The following SHROOM4 variants were observed in gnomAD, a reference collection of about 807,000 sequenced individuals.
SHROOM4 encodes protein Shroom4.
Under a neutral mutation model 80.3 loss-of-function variants are expected in SHROOM4, and 17 were observed. The ratio of observed to expected loss-of-function variants is 0.21; its 90% CI spans 0.14 to 0.32. SHROOM4 has a LOEUF of 0.32. SHROOM4 is among the 10% of genes least tolerant of loss of function. SHROOM4 has a pLI of 1.00. For missense variants in SHROOM4, 993 were observed against 1,140.3 expected (o/e 0.87, Z 1.86); for synonymous variants, 400 against 437.5 (o/e 0.91, Z 1.07).
At chrX:50,645,941 T>G (rs7049283) in intron 2 of SHROOM4, among the ~76,000 whole-genome samples, 2 of 111,226 alleles carry the variant, frequency 1.8e-5, no homozygotes, top group African/African-American at 3.3e-5. Flanking sequence ...GGACCAATTC[T>G]GAAAGGAGTC....
In SHROOM4 at chrX:50,587,874, A is replaced by C. The variant is rs185195422; in HGVS notation, c.*8821T>G. Among the ~76,000 whole-genome samples the C allele has an allele frequency of 5.7e-4, 64 of 112,607 alleles. No individual in the cohort carries two copies. The highest frequency in any genetic ancestry group is 2.1e-3 in the Admixed American group (22 of 10,645). The stretch of plus-strand genomic sequence containing the variant: ...AATCACAGATCTGTTTTAAAGATTA[A>C]ATGAGGATTTCTGCTTTAAAAATGT... On this transcript the variant is annotated 3_prime_UTR_variant, in exon 9 of 9. Coordinates refer to ENST00000376020, the MANE Select transcript of SHROOM4 (RefSeq NM_020717.5).
At chrX:50,748,130 T>C (rs1290526296) in intron 1 of SHROOM4, among the ~76,000 whole-genome samples, 3 of 111,504 alleles carry the variant, frequency 2.7e-5, no homozygotes, top group African/African-American at 9.8e-5. Context: ...TCCTGAAAGA[T>C]CGAGGCTGGC....
intron 2 of SHROOM4, among the ~76,000 whole-genome samples, chrX:50,664,638 A>G (rs1932630165): frequency 8.9e-6 from 1 of 111,948 alleles, no homozygotes; most frequent in South Asian, 3.8e-4. Context: ...GTTAATCAAC[A>G]TATAATCGAC....
chrX:50,723,350 C>T (rs1352032483), intron 1 of SHROOM4, among the ~76,000 whole-genome samples: 1 of 31,733 alleles, frequency 3.2e-5, no homozygotes, highest in East Asian at 1.3e-3. Flanking sequence ...GGGAGAGGGG[C>T]AGGGAGGGAA....
At chrX:50,681,515 C>T (rs1369433506) in intron 2 of SHROOM4, among the ~76,000 whole-genome samples, 1 of 111,717 alleles carries the variant, frequency 9.0e-6, no homozygotes, top group African/African-American at 3.3e-5. Flanking sequence ...CTTTATATGG[C>T]TGCCTCTTTC....
chrX:50,726,525 G>T (rs1206666187), intron 1 of SHROOM4, among the ~76,000 whole-genome samples: 1 of 112,341 alleles, frequency 8.9e-6, no homozygotes, highest in African/African-American at 3.2e-5. Context: ...CGGGCCCAAG[G>T]CCCCACTGCA....
intron 2 of SHROOM4, among the ~76,000 whole-genome samples, chrX:50,660,725 C>T (rs1002727059): frequency 1.7e-4 from 18 of 107,405 alleles, no homozygotes; most frequent in Middle Eastern, 4.8e-3. Flanking sequence ...GTGATGCTCT[C>T]GCCTCAGCCT....
chrX:50,576,519 T>G, the SHROOM4 span, among the ~76,000 whole-genome samples: 1 of 111,871 alleles, frequency 8.9e-6, no homozygotes, highest in East Asian at 2.8e-4. Flanking sequence ...GAGATGAGTT[T>G]ATGTCCTCTT....
intron 1 of SHROOM4, among the ~76,000 whole-genome samples, chrX:50,784,977 A>G (rs1339695134): frequency 7.1e-5 from 8 of 112,121 alleles, no homozygotes; most frequent in Non-Finnish European, 7.5e-5. Context: ...TTCACTAAAG[A>G]TGATATACAT....
At chrX:50,704,480 G>A (rs1933604158) in intron 1 of SHROOM4, among the ~76,000 whole-genome samples, 1 of 112,094 alleles carries the variant, frequency 8.9e-6, no homozygotes, top group Admixed American at 9.5e-5. Context: ...CCAAGAGGAT[G>A]TGATTAACTA....
At position 50,596,933 on chromosome X, in the gene SHROOM4, G is replaced by A. The variant is rs982192489; in HGVS notation, c.4244C>T (p.Thr1415Met). The A allele has an allele frequency of 1.2e-5, 14 of 1,209,411 alleles. No individual in the cohort carries two copies. The highest frequency in any genetic ancestry group is 3.0e-5 in the East Asian group (1 of 33,756). Residue 1415 changes from threonine (T) to methionine (M), a missense_variant, in exon 9 of 9, where the codon ACG (threonine) becomes ATG (methionine). By Grantham distance (81) the Thr-to-Met change is moderately conservative. Transcript: ENST00000376020. ...LVLIEKKQQL[T>M]GQLADAKELK... ...CTCCTTGGCATCTGCCAACTGCCCC[G>A]TCAGCTGCTGCTTCTTCTCTATCAG...
At chrX:50,641,015 C>G (rs1402117112) in intron 2 of SHROOM4, among the ~76,000 whole-genome samples, 1 of 112,469 alleles carries the variant, frequency 8.9e-6, no homozygotes, top group African/African-American at 3.2e-5. Flanking sequence ...AGGCCTCGAC[C>G]AATCATAGTT....
Position 50,642,637 on chromosome X carries a change from G to C in SHROOM4, c.270-4329C>G, listed in dbSNP as rs184151525. On this transcript the variant is annotated intron_variant, in intron 2 of 8. Transcript: ENST00000376020. ...GCTACCGTGCCCGGCTAATTTTTTTGTATTTTTTGTAGAGATGGGGTTTCA... is the reference window on the plus strand; with the variant it reads ...GCTACCGTGCCCGGCTAATTTTTTTCTATTTTTTGTAGAGATGGGGTTTCA... 9.9e-5 allele frequency among the ~76,000 whole-genome samples: 11 copies of C among 110,800 alleles called. No individual in the cohort carries two copies. In the East Asian group the frequency reaches 2.6e-3, roughly 26 times the overall value.
At chrX:50,711,865 G>A in intron 1 of SHROOM4, among the ~76,000 whole-genome samples, 1 of 112,375 alleles carries the variant, frequency 8.9e-6, no homozygotes, top group Admixed American at 9.4e-5. Flanking sequence ...ATTGATGTAT[G>A]CATTCCAATA....
intron 1 of SHROOM4, among the ~76,000 whole-genome samples, chrX:50,744,482 T>A (rs1934734381): frequency 8.9e-6 from 1 of 112,120 alleles, no homozygotes; most frequent in Non-Finnish European, 1.9e-5. Flanking sequence ...CTTTATTTGA[T>A]GAGTTGTTAT....
intron 7 of SHROOM4, among the ~76,000 whole-genome samples, chrX:50,599,236 A>C (rs1409950154): frequency 9.0e-6 from 1 of 111,240 alleles, no homozygotes; most frequent in Non-Finnish European, 1.9e-5. Flanking sequence ...TTTGCCTATC[A>C]CTTCATTCAT....
intron 5 of SHROOM4, among the ~76,000 whole-genome samples, chrX:50,613,086 G>A (rs1172670797): frequency 8.9e-6 from 1 of 112,047 alleles, no homozygotes; most frequent in African/African-American, 3.2e-5. Flanking sequence ...TTCTCATTAT[G>A]TATAGATGAT....
chrX:50,799,084 G>T (rs1936069945), intron 1 of SHROOM4, among the ~76,000 whole-genome samples: 1 of 112,089 alleles, frequency 8.9e-6, no homozygotes. Flanking sequence ...CTCTGATGGG[G>T]TTTACCATTC....
At chrX:50,783,480 C>G (rs1198435989) in intron 1 of SHROOM4, among the ~76,000 whole-genome samples, 1 of 111,848 alleles carries the variant, frequency 8.9e-6, no homozygotes, top group Non-Finnish European at 1.9e-5. Flanking sequence ...CAGTACTGCT[C>G]AGGCATTAAT....
Sources: allele counts gnomAD v4.1 joint callset (sites outside exome capture counted in the v4.1 genomes callset), GRCh38; gene constraint gnomAD v4.1.1; transcripts MANE v1.5; gene names NCBI Gene and HGNC (gene_info 2026-07-23, HGNC 2026-07-21).